The following ZNF7 variants were observed in gnomAD, a reference collection of about 807,000 sequenced individuals.
The protein encoded by ZNF7 is C2-H2 type zinc finger protein.
Under a neutral mutation model 12.0 loss-of-function variants are expected in ZNF7, and 10 were observed. The ratio of observed to expected loss-of-function variants is 0.83; its 90% CI spans 0.51 to 1.42. ZNF7 has a LOEUF of 1.42. ZNF7 is among the 40% of genes most tolerant of loss of function. The pLI is 0.00. For missense variants in ZNF7, 854 were observed against 837.2 expected (o/e 1.02, Z -0.25); for synonymous variants, 334 against 295.0 (o/e 1.13, Z -1.35).
chr8:144,833,184 G>A (rs1468171038), intron 3 of ZNF7, among the ~76,000 whole-genome samples: 2 of 130,014 alleles, frequency 1.5e-5, no homozygotes, highest in African/African-American at 2.7e-5. Context: ...GGCAATAAGC[G>A]AGACTTTGTC....
At position 144,829,028 on chromosome 8, in the gene ZNF7, C is replaced by T. The variant is rs1204558884; in HGVS notation, c.-45-15C>T. 1.2e-6 allele frequency: 2 copies of T among 1,612,682 alleles called. No individual in the cohort carries two copies. Among genetic ancestry groups the T allele is most frequent in the Non-Finnish European group, 1.7e-6 (2 of 1,179,462 alleles). Reference sequence around the variant, plus strand: ...CTGGCACCTTGACCTCTAATCCTTTCATAATTGCCAACAGGTCTCTCGGCC... The same window carrying T: ...CTGGCACCTTGACCTCTAATCCTTTTATAATTGCCAACAGGTCTCTCGGCC... On this transcript the variant is annotated splice_polypyrimidine_tract_variant and intron_variant, in intron 1 of 4. Transcript: ENST00000532777.
chr8:144,843,222 C>A lies in ZNF7; in HGVS notation c.*54C>A. 6.7e-7 allele frequency: 1 copy of A among 1,494,956 alleles called. No homozygotes were observed. The highest frequency in any genetic ancestry group is 1.4e-5 in the South Asian group (1 of 71,570). 92.6% of individuals were successfully genotyped at this position (1,494,956 alleles called of 1,614,324 possible). A position where few individuals can be genotyped will look rare whatever the true frequency, so the allele number is the denominator to read the frequency against. On this transcript the variant is annotated 3_prime_UTR_variant, in exon 5 of 5. Coordinates refer to ENST00000532777, the MANE Select transcript of ZNF7 (RefSeq NM_003416.4). ...TGAATAAACCTATAGCCTTAACTTACTTATTTTATATGGAATCGTTTATAC... is the reference window on the plus strand; with the variant it reads ...TGAATAAACCTATAGCCTTAACTTAATTATTTTATATGGAATCGTTTATAC...
rs778811579 is a variant in ZNF7 at position 144,842,449 on chromosome 8, A to G, written c.1342A>G (p.Lys448Glu). The G allele has an allele frequency of 1.2e-6, 2 of 1,614,174 alleles. No homozygotes were observed. Among genetic ancestry groups the G allele is most frequent in the Non-Finnish European group, 1.7e-6 (2 of 1,180,034 alleles). ...EKPYKCNKCT[K>E]AFGCSSRLIR... ...GCCTTATAAATGCAACAAGTGTACA[A>G]AAGCCTTTGGTTGTAGTTCACGGCT... The change falls in exon 5 of 5, where the codon AAA (lysine) becomes GAA (glutamate). Residue 448 changes from lysine (K) to glutamate (E), a missense_variant. Transcript: ENST00000532777.
intron 4 of ZNF7, among the ~76,000 whole-genome samples, chr8:144,840,825 C>T (rs1171622859): frequency 6.6e-6 from 1 of 152,132 alleles, no homozygotes; most frequent in African/African-American, 2.4e-5. Flanking sequence ...TCAGAGAAGC[C>T]CACCCCAGGG....
intron 3 of ZNF7, chr8:144,836,360 C>T (rs953382002): frequency 2.0e-5 from 3 of 152,242 alleles, no homozygotes; most frequent in African/African-American, 7.2e-5. Context: ...TCTTTACATA[C>T]TGCTTGGGCT....
At chr8:144,827,875 T>G in intron 1 of ZNF7, 1 of 183,454 alleles carries the variant, frequency 5.5e-6, no homozygotes, top group Non-Finnish European at 1.0e-5. Flanking sequence ...GGCCACGGTG[T>G]CCGGGGCCTG....
intron 3 of ZNF7, chr8:144,836,192 A>T (rs1193029752): frequency 1.3e-5 from 2 of 152,218 alleles, no homozygotes; most frequent in Non-Finnish European, 2.9e-5. Flanking sequence ...CAAAGAATTT[A>T]AAAATTAGCT....
At chr8:144,833,885 A>AT (rs1828715259) in intron 3 of ZNF7, 1 of 150,428 alleles carries the variant, frequency 6.6e-6, no homozygotes, top group Admixed American at 6.6e-5. Context: ...GGTTCAAGTG[A>AT]TTCGCCGCCT....
chr8:144,831,432 C>T (rs1828429621), intron 3 of ZNF7, among the ~76,000 whole-genome samples: 1 of 152,208 alleles, frequency 6.6e-6, no homozygotes. Flanking sequence ...CAGCTGCCAC[C>T]TGGCGGATGA....
chr8:144,835,144 G>A (rs549212283), intron 3 of ZNF7: 3 of 152,058 alleles, frequency 2.0e-5, no homozygotes, highest in South Asian at 2.1e-4. Flanking sequence ...TAAAACCATC[G>A]GGACCTTGAG....
chr8:144,830,058 G>A (rs1195792598), intron 3 of ZNF7: 1 of 157,498 alleles, frequency 6.3e-6, no homozygotes, highest in Non-Finnish European at 1.4e-5. Flanking sequence ...GGCAGCCACT[G>A]CGGTGCTCTT....
intron 3 of ZNF7, chr8:144,834,718 T>G: frequency 6.6e-6 from 1 of 151,206 alleles, no homozygotes; most frequent in South Asian, 2.1e-4. Flanking sequence ...GAAATGGATA[T>G]ATATATATAT....
chr8:144,828,720 C>A, intron 1 of ZNF7: 1 of 336,300 alleles, frequency 3.0e-6, no homozygotes, highest in Non-Finnish European at 5.7e-6. Context: ...TAACTCTTTC[C>A]TCCGCCAGAC....
At position 144,829,109 on chromosome 8, in the gene ZNF7, T is replaced by A; in HGVS notation, c.3+19T>A. ...CCTCATGGTAGGAAGCTTGACTGCC[T>A]CCTTCCCCTCGCATGTCCTGTGAAG... is the stretch of plus-strand genomic sequence containing the variant. On this transcript the variant is annotated intron_variant, in intron 2 of 4. Transcript: ENST00000532777. 7 of 1,613,768 alleles carry A rather than the reference T, an allele frequency of 4.3e-6. No individual in the cohort carries two copies. Among genetic ancestry groups the A allele is most frequent in the Non-Finnish European group, 5.9e-6 (7 of 1,179,890 alleles).
chr8:144,829,721 AG>A (rs1828214511), intron 3 of ZNF7, 117 bp downstream of exon 3: 1 of 1,375,640 alleles, frequency 7.3e-7, no homozygotes. Flanking sequence ...TGGGCTCCAC[AG>A]GGGGCTTGGA....
At chr8:144,844,263 G>A (rs905708050), downstream of ZNF7, among the ~76,000 whole-genome samples, 34 of 152,300 alleles carry the variant, frequency 2.2e-4, no homozygotes, top group African/African-American at 7.7e-4. Flanking sequence ...TCAAGCAAAT[G>A]CAAGTACCAA....
In ZNF7 at chr8:144,829,547, C is replaced by G; in HGVS notation, c.73C>G (p.Gln25Glu). ...REEWQCLDPGQRALYREVMLE... is the reference protein window; with the variant it reads ...REEWQCLDPGERALYREVMLE... Reference sequence around the variant, plus strand: ...GGAGTGGCAGTGTCTGGACCCTGGCCAGAGGGCCCTCTACAGGGAAGTGAT... The same window carrying G: ...GGAGTGGCAGTGTCTGGACCCTGGCGAGAGGGCCCTCTACAGGGAAGTGAT... Residue 25 changes from glutamine to glutamate, a missense_variant, in exon 3 of 5, where the codon CAG becomes GAG. Gln to Glu is a conservative substitution (Grantham distance 29). Coordinates refer to ENST00000532777, the MANE Select transcript of ZNF7 (RefSeq NM_003416.4). The G allele has an allele frequency of 1.2e-6, 2 of 1,614,112 alleles. No individual in the cohort carries two copies. The highest frequency in any genetic ancestry group is 1.7e-6 in the Non-Finnish European group (2 of 1,179,978).
At chr8:144,831,329 C>T (rs922540219) in intron 3 of ZNF7, among the ~76,000 whole-genome samples, 5 of 152,148 alleles carry the variant, frequency 3.3e-5, no homozygotes, top group Admixed American at 6.5e-5. Context: ...CTGAATTCAG[C>T]ATGTATTGTA....
chr8:144,845,976 C>G (rs1260040309), downstream of ZNF7: 18 of 1,536,332 alleles, frequency 1.2e-5, no homozygotes, highest in South Asian at 1.1e-4. Context: ...TTCTCTACTT[C>G]AGGCTTTCTG....
Sources: allele counts gnomAD v4.1 joint callset (sites outside exome capture counted in the v4.1 genomes callset), GRCh38; gene constraint gnomAD v4.1.1; transcripts MANE v1.5; gene names NCBI Gene and HGNC (gene_info 2026-07-23, HGNC 2026-07-21).